The following PBLD variants were observed in gnomAD, a reference collection of about 807,000 sequenced individuals.
The protein encoded by PBLD is phenazine biosynthesis-like domain-containing protein.
A neutral mutation model predicts 31.3 loss-of-function variants in PBLD; 26 were observed. The ratio of observed to expected loss-of-function variants is 0.83; its 90% CI spans 0.61 to 1.15. The LOEUF is 1.15. Ranked by LOEUF, PBLD falls within the 50% of genes most tolerant of loss-of-function variation. PBLD has a pLI of 0.00. For missense variants in PBLD, 307 were observed against 351.7 expected (o/e 0.87, Z 1.02); for synonymous variants, 114 against 129.0 (o/e 0.88, Z 0.79).
intron 2 of PBLD, among the ~76,000 whole-genome samples, chr10:68,300,529 G>A (rs1014879403): frequency 2.0e-5 from 3 of 152,206 alleles, no homozygotes; most frequent in East Asian, 3.9e-4. Context: ...TGCAGAGTCC[G>A]AGGCCCCCTG....
chr10:68,289,078 C>T, intron 6 of PBLD, 59 bp from the exon 7 acceptor site: 1 of 1,327,280 alleles, frequency 7.5e-7, no homozygotes, highest in Non-Finnish European at 1.1e-6. Context: ...CCTTGATCCC[C>T]TGAAATGGGA....
intron 1 of PBLD, among the ~76,000 whole-genome samples, chr10:68,313,232 T>G (rs2044694717): frequency 6.6e-6 from 1 of 152,184 alleles, no homozygotes. Flanking sequence ...TTATATTTTT[T>G]GAATATTAAT....
At chr10:68,294,649 T>TC (rs2044401146) in intron 4 of PBLD, among the ~76,000 whole-genome samples, 3 of 152,238 alleles carry the variant, frequency 2.0e-5, no homozygotes, top group Admixed American at 2.0e-4. Flanking sequence ...GCTTTAGAGC[T>TC]CCCCACGGAT....
At chr10:68,330,664 G>A (rs1253125687) in intron 1 of PBLD, among the ~76,000 whole-genome samples, 1 of 151,626 alleles carries the variant, frequency 6.6e-6, no homozygotes, top group East Asian at 2.0e-4. Context: ...TCCTGCCTCA[G>A]CCTCCTGAGT....
intron 1 of PBLD, among the ~76,000 whole-genome samples, chr10:68,325,295 G>A (rs1438507821): frequency 1.3e-5 from 2 of 151,932 alleles, no homozygotes; most frequent in Non-Finnish European, 2.9e-5. Context: ...CGGGAATGGC[G>A]GCTCATGCCT....
At chr10:68,318,020 G>A (rs1020046970) in intron 1 of PBLD, among the ~76,000 whole-genome samples, 1 of 152,080 alleles carries the variant, frequency 6.6e-6, no homozygotes, top group Non-Finnish European at 1.5e-5. Context: ...GAGGTCAGGA[G>A]ATCGAGACCA....
At chr10:68,319,747 A>G (rs2044804720) in intron 1 of PBLD, among the ~76,000 whole-genome samples, 1 of 151,890 alleles carries the variant, frequency 6.6e-6, no homozygotes, top group South Asian at 2.1e-4. Flanking sequence ...ATAAAACAAA[A>G]CAAAAAACTG....
At chr10:68,317,032 A>G (rs912048866) in intron 1 of PBLD, among the ~76,000 whole-genome samples, 1 of 152,170 alleles carries the variant, frequency 6.6e-6, no homozygotes, top group Non-Finnish European at 1.5e-5. Context: ...AGAAAACAAC[A>G]GAATCTTGAA....
chr10:68,322,965 T>C (rs888357190), intron 1 of PBLD, among the ~76,000 whole-genome samples: 1 of 151,926 alleles, frequency 6.6e-6, no homozygotes, highest in Non-Finnish European at 1.5e-5. Flanking sequence ...GGTCTCAAAC[T>C]CCTGGTCTCA....
At chr10:68,331,405 A>G (rs1749750028) in intron 1 of PBLD, 1 of 152,318 alleles carries the variant, frequency 6.6e-6, no homozygotes, top group African/African-American at 2.4e-5. Flanking sequence ...GAGAACGGTA[A>G]CGTGGTGGAC....
At chr10:68,303,430 G>T (rs61857267) in intron 2 of PBLD, among the ~76,000 whole-genome samples, 151,804 of 151,804 alleles carry the variant, frequency 1, 75,902 homozygotes, top group Non-Finnish European at 1. Context: ...ATGTTTCCAG[G>T]TAGCCGTTAA....
At chr10:68,302,799 C>T (rs536067877) in intron 2 of PBLD, among the ~76,000 whole-genome samples, 1 of 151,032 alleles carries the variant, frequency 6.6e-6, no homozygotes, top group Non-Finnish European at 1.5e-5. Context: ...TATAATCATG[C>T]CACTGTACTC....
intron 1 of PBLD, among the ~76,000 whole-genome samples, chr10:68,323,541 C>G (rs983236608): frequency 1.3e-5 from 2 of 152,100 alleles, no homozygotes; most frequent in Non-Finnish European, 2.9e-5. Flanking sequence ...GCCTGAGGGA[C>G]AGAGTGAGAT....
At chr10:68,308,123 A>T (rs941753860) in intron 1 of PBLD, among the ~76,000 whole-genome samples, 1 of 152,196 alleles carries the variant, frequency 6.6e-6, no homozygotes, top group East Asian at 1.9e-4. Context: ...TATATAAAAT[A>T]GCGTAATTCA....
At chr10:68,325,169 G>A (rs560849094) in intron 1 of PBLD, among the ~76,000 whole-genome samples, 8 of 152,174 alleles carry the variant, frequency 5.3e-5, no homozygotes, top group South Asian at 2.1e-4. Context: ...GCTTGAACCC[G>A]GGAGGCGGAA....
chr10:68,285,453 A>C, intron 8 of PBLD, 43 bp from the exon 9 acceptor site: 1 of 1,558,138 alleles, frequency 6.4e-7, no homozygotes. Flanking sequence ...CCAAGAAAAC[A>C]GAGGCGATTT....
chr10:68,286,374 C>T (rs531093857), intron 8 of PBLD, among the ~76,000 whole-genome samples: 1 of 152,326 alleles, frequency 6.6e-6, no homozygotes, highest in South Asian at 2.1e-4. Flanking sequence ...AGGCATGAGC[C>T]ACTGCGCCCA....
chr10:68,294,242 C>G (rs553285434), intron 4 of PBLD, among the ~76,000 whole-genome samples: 2 of 152,296 alleles, frequency 1.3e-5, no homozygotes, highest in African/African-American at 4.8e-5. Flanking sequence ...CTCGCTCTAG[C>G]TCATCCCACA....
intron 1 of PBLD, among the ~76,000 whole-genome samples, chr10:68,307,241 G>T (rs1402171658): frequency 1.3e-5 from 2 of 152,028 alleles, no homozygotes; most frequent in African/African-American, 4.8e-5. Context: ...TGTAGGCCAG[G>T]CTGGTCTCGA....
Sources: allele counts gnomAD v4.1 joint callset (sites outside exome capture counted in the v4.1 genomes callset), GRCh38; gene constraint gnomAD v4.1.1; transcripts MANE v1.5; gene names NCBI Gene and HGNC (gene_info 2026-07-23, HGNC 2026-07-21).